TIGD5: variants seen among roughly 807,000 people sequenced by gnomAD.
The protein encoded by TIGD5 is tigger transposable element derived 5.
TIGD5 carries 24 observed loss-of-function variants against 28.8 expected under a neutral mutation model. The observed-to-expected ratio is 0.83, with a 90% CI of 0.60 to 1.17. The LOEUF is 1.17. Among genes scored for constraint, TIGD5 ranks in the 50% most tolerant of loss-of-function variants. The probability of loss-of-function intolerance (pLI) is 0.00; values close to 1 mark genes in which losing one functional copy is unlikely to be tolerated. For missense variants in TIGD5, 922 were observed against 911.4 expected (o/e 1.01, Z -0.15); for synonymous variants, 538 against 430.5 (o/e 1.25, Z -3.09).
chr8:143,599,846 G>GT lies in TIGD5; in HGVS notation c.*15dup. ...GACGGTGTGTGACCAGGCCAGCCCA[G>GT]TGACCTTTCTCCTGCTGCACTTGGA... is the stretch of plus-strand genomic sequence containing the variant. On this transcript the variant is annotated 3_prime_UTR_variant, in exon 1 of 1. Coordinates refer to ENST00000504548, the MANE Select transcript of TIGD5 (RefSeq NM_032862.5). 1 of 1,454,496 alleles carries GT rather than the reference G, an allele frequency of 6.9e-7. No individual in the cohort carries two copies. The highest frequency in any genetic ancestry group is 9.0e-7 in the Non-Finnish European group (1 of 1,113,264). The allele number at this position is 1,454,496 out of a possible 1,614,324, so 90.1% of individuals were successfully genotyped here.
Position 143,601,302 on chromosome 8 carries a change from C to G in TIGD5, c.*1470C>G, listed in dbSNP as rs1227678275. ...AATTTGGGGAAGAAGAAACAGACTCCCTGAGCAGAGCTCAGGGCAGCAGCT... is the reference window on the plus strand; with the variant it reads ...AATTTGGGGAAGAAGAAACAGACTCGCTGAGCAGAGCTCAGGGCAGCAGCT... On this transcript the variant is annotated 3_prime_UTR_variant, in exon 1 of 1. Coordinates refer to ENST00000504548, the MANE Select transcript of TIGD5 (RefSeq NM_032862.5). The G allele has an allele frequency of 6.6e-6, 1 of 152,252 alleles. No homozygotes were observed. The highest frequency in any genetic ancestry group is 1.5e-5 in the Non-Finnish European group (1 of 68,062). The allele number at this position is 152,252 out of a possible 1,614,324, so 9.4% of individuals were successfully genotyped here.
In TIGD5 at chr8:143,599,219, C is replaced by A; in HGVS notation, c.1316C>A (p.Ser439Tyr). 1 of 1,611,544 alleles carries A rather than the reference C, an allele frequency of 6.2e-7. No homozygotes were observed. The highest frequency in any genetic ancestry group is 8.5e-7 in the Non-Finnish European group (1 of 1,179,682). ...YKRELLRLAV[S>Y]CASGSPLDFM... ...CGCGAGCTGCTGCGACTGGCTGTGT[C>A]CTGCGCCAGCGGCTCCCCGCTGGAC... The change falls in exon 1 of 1, where the codon TCC (serine) becomes TAC (tyrosine). Residue 439 changes from serine (S) to tyrosine (Y), a missense_variant. Coordinates refer to ENST00000504548, the MANE Select transcript of TIGD5 (RefSeq NM_032862.5).
chr8:143,599,682 G>A lies in TIGD5; in HGVS notation c.1779G>A (p.Arg593=). The A allele has an allele frequency of 2.0e-6, 3 of 1,518,842 alleles. No individual in the cohort carries two copies. Among genetic ancestry groups the A allele is most frequent in the Non-Finnish European group, 2.6e-6 (3 of 1,138,146 alleles). The allele number at this position is 1,518,842 out of a possible 1,614,324, so 94.1% of individuals were successfully genotyped here. ...TSVPTAGEAV[R]GLETALRWLE... ...TGCCGACTGCCGGGGAGGCCGTGCG[G>A]GGGCTAGAAACAGCTCTGCGGTGGC... is the stretch of plus-strand genomic sequence containing the variant. Residue 593 remains arginine (R), a synonymous_variant, in exon 1 of 1, where the codon CGG becomes CGA. Coordinates refer to ENST00000504548, the MANE Select transcript of TIGD5 (RefSeq NM_032862.5).
rs1172645828 is a variant in TIGD5 at position 143,597,970 on chromosome 8, C to T, written c.67C>T (p.Pro23Ser). The change falls in exon 1 of 1, where the codon CCC becomes TCC. Residue 23 changes from proline (P) to serine (S), a missense_variant. Physicochemically the swap from Pro to Ser is moderately conservative, Grantham distance 74 (BLOSUM62 -1). Transcript: ENST00000504548. ...CGGCCGCCGTCCCCTGCCCGGGCCC[C>T]CCGCGCCCGCCCCAGCCCCCGTCCC... ...RRGRRPLPGP[P>S]APAPAPVPAA... is the part of the protein sequence containing the mutation. 2.2e-6 allele frequency: 2 copies of T among 924,808 alleles called. No homozygotes were observed. Among genetic ancestry groups the T allele is most frequent in the Non-Finnish European group, 2.6e-6 (2 of 773,176 alleles). The allele number at this position is 924,808 out of a possible 1,614,324, so 57.3% of individuals were successfully genotyped here.
In TIGD5 at chr8:143,601,801, TAAGATAA is replaced by T; in HGVS notation, c.*1974_*1980del. ...AACAAGGCAGCACTAATTTTTGCTATAAGATAAAAGAGGCCAGGCACGTTGGCTCACA... is the reference window on the plus strand; with the variant it reads ...AACAAGGCAGCACTAATTTTTGCTATAAGAGGCCAGGCACGTTGGCTCACA... On this transcript the variant is annotated 3_prime_UTR_variant, in exon 1 of 1. Transcript: ENST00000504548. 1 of 152,250 alleles carries T rather than the reference TAAGATAA, an allele frequency of 6.6e-6. No individual in the cohort carries two copies. Among genetic ancestry groups the T allele is most frequent in the East Asian group, 1.9e-4 (1 of 5,176 alleles). The allele number at this position is 152,250 out of a possible 1,614,324, so 9.4% of individuals were successfully genotyped here. A position where few individuals can be genotyped will look rare whatever the true frequency, so the allele number is the denominator to read the frequency against.
chr8:143,598,918 G>C lies in TIGD5; in HGVS notation c.1015G>C (p.Gly339Arg), dbSNP rs1453766859. 6.3e-7 allele frequency: 1 copy of C among 1,595,472 alleles called. No individual in the cohort carries two copies. Among genetic ancestry groups the C allele is most frequent in the South Asian group, 1.1e-5 (1 of 90,264 alleles). The change falls in exon 1 of 1, where the codon GGC becomes CGC. Residue 339 changes from glycine (G) to arginine (R), a missense_variant. Around this residue, in one of 3 missense-constraint regions of TIGD5, gnomAD observed 821 missense variants for 815.2 expected, o/e 1.01. Coordinates refer to ENST00000504548, the MANE Select transcript of TIGD5 (RefSeq NM_032862.5). The surrounding 1 kb of genome is among the most constrained non-coding windows in gnomAD (Gnocchi z 6.6). ...CTGGTTCTTTGAGGAATTTGTCCCA[G>C]GCGTCAAACGCTACCTGCGCCGAAG... ...RGWFFEEFVPGVKRYLRRSCL... is the reference protein window; with the variant it reads ...RGWFFEEFVPRVKRYLRRSCL...
rs1564007285 is a variant in TIGD5 at position 143,599,082 on chromosome 8, G to A, written c.1179G>A (p.Gln393=). The A allele has an allele frequency of 1.3e-6, 2 of 1,576,980 alleles. No homozygotes were observed. The highest frequency in any genetic ancestry group is 2.7e-5 in the African/African-American group (2 of 74,320). The change falls in exon 1 of 1, where the codon CAG becomes CAA. Residue 393 remains glutamine (Q), a synonymous_variant. Transcript: ENST00000504548. ...CCCTCGGTCCCCCGGAGGAGCTGCA[G>A]ACACCGGATGGCGCTGTGCGGGTGC... The part of the protein sequence containing the change: ...PEPLGPPEEL[Q]TPDGAVRVLF...
rs1214200491 is a variant in TIGD5 at position 143,599,524 on chromosome 8, C to G, written c.1621C>G (p.Pro541Ala). The part of the protein sequence containing the change: ...EWLHLDDDGG[P>A]PEGCREEVGP... ...GCTGCACCTGGACGATGATGGGGGT[C>G]CGCCCGAGGGCTGCAGGGAGGAGGT... Residue 541 changes from proline (P) to alanine (A), a missense_variant, in exon 1 of 1, where the codon CCG (proline) becomes GCG (alanine). Physicochemically the swap from Pro to Ala is conservative, Grantham distance 27 (BLOSUM62 -1). Around this residue, in one of 3 missense-constraint regions of TIGD5, gnomAD observed 821 missense variants for 815.2 expected, o/e 1.01. Coordinates refer to ENST00000504548, the MANE Select transcript of TIGD5 (RefSeq NM_032862.5). 8.2e-6 allele frequency: 13 copies of G among 1,584,160 alleles called. No homozygotes were observed. Among genetic ancestry groups the G allele is most frequent in the Middle Eastern group, 3.3e-4 (2 of 6,014 alleles).
rs1829141789 is a variant in TIGD5, at chr8:143,598,349, C to T, written c.446C>T (p.Ala149Val). Reference protein sequence around the residue: ...GVPLSGPLIQAQAEAFARQIY... With the variant: ...GVPLSGPLIQVQAEAFARQIY... Reference sequence around the variant, plus strand: ...CCGCTGTCTGGCCCGCTCATCCAGGCGCAGGCCGAGGCCTTCGCGCGCCAG... The same window carrying T: ...CCGCTGTCTGGCCCGCTCATCCAGGTGCAGGCCGAGGCCTTCGCGCGCCAG... The change falls in exon 1 of 1, where the codon GCG (alanine) becomes GTG (valine). Residue 149 changes from alanine to valine, a missense_variant. Ala to Val is a moderately conservative substitution (Grantham distance 64, BLOSUM62 0). Coordinates refer to ENST00000504548, the MANE Select transcript of TIGD5 (RefSeq NM_032862.5). This position sits in a 1 kb window ranked among gnomAD's most constrained non-coding sequence, Gnocchi z 6.6. 2 of 1,599,404 alleles carry T rather than the reference C, an allele frequency of 1.3e-6. No homozygotes were observed. Among genetic ancestry groups the T allele is most frequent in the South Asian group, 1.1e-5 (1 of 89,644 alleles).
Position 143,600,593 on chromosome 8 carries a change from C to A in TIGD5, c.*761C>A, listed in dbSNP as rs965391640. On this transcript the variant is annotated 3_prime_UTR_variant, in exon 1 of 1. Coordinates refer to ENST00000504548, the MANE Select transcript of TIGD5 (RefSeq NM_032862.5). The stretch of plus-strand genomic sequence containing the variant: ...ACTTGGCCAACGGCAGGAGAGTTTC[C>A]CCTGCTTCCTCATCAGCCACAGACC... 6.6e-6 allele frequency: 1 copy of A among 152,208 alleles called. No homozygotes were observed. The highest frequency in any genetic ancestry group is 1.5e-5 in the Non-Finnish European group (1 of 68,040). 9.4% of individuals were successfully genotyped at this position (152,208 alleles called of 1,614,324 possible).
rs1379363655 is a variant in TIGD5, at chr8:143,599,367, G to C, written c.1464G>C (p.Arg488=). Reference sequence around the variant, plus strand: ...GCCTGCGGGCTGCCTTCGAGCCCCGGCCCGGCGAGGACAGTGCTGGGCAGC... The same window carrying C: ...GCCTGCGGGCTGCCTTCGAGCCCCGCCCCGGCGAGGACAGTGCTGGGCAGC... ...LLGLRAAFEP[R]PGEDSAGQPA... is the part of the protein sequence containing the mutation. The change falls in exon 1 of 1, where the codon CGG becomes CGC. Residue 488 remains arginine (R), a synonymous_variant. Coordinates refer to ENST00000504548, the MANE Select transcript of TIGD5 (RefSeq NM_032862.5). 2 of 1,573,750 alleles carry C rather than the reference G, an allele frequency of 1.3e-6. No homozygotes were observed. Among genetic ancestry groups the C allele is most frequent in the Non-Finnish European group, 1.7e-6 (2 of 1,161,006 alleles).
rs1428044745 is a variant in TIGD5, at chr8:143,598,292, C to G, written c.389C>G (p.Ala130Gly). 1.2e-6 allele frequency: 2 copies of G among 1,609,628 alleles called. No homozygotes were observed. Among genetic ancestry groups the G allele is most frequent in the East Asian group, 2.2e-5 (1 of 44,562 alleles). ...GAGGAGATCGACCGCGCCGTGTACG[C>G]CTGGTTCCTGGCGCTGCGCCAGCAC... Reference protein sequence around the residue: ...NEEEIDRAVYAWFLALRQHGV... With the variant: ...NEEEIDRAVYGWFLALRQHGV... The change falls in exon 1 of 1, where the codon GCC becomes GGC. Residue 130 changes from alanine to glycine, a missense_variant. This residue lies in a region of TIGD5 where 821 missense variants were observed against 815.2 expected (regional missense o/e 1.01). Coordinates refer to ENST00000504548, the MANE Select transcript of TIGD5 (RefSeq NM_032862.5). This position sits in a 1 kb window ranked among gnomAD's most constrained non-coding sequence, Gnocchi z 6.6.
In TIGD5 at chr8:143,602,279, G is replaced by A. The variant is rs1829279422; in HGVS notation, c.*2447G>A. 6.6e-6 allele frequency: 1 copy of A among 152,218 alleles called. No homozygotes were observed. The highest frequency in any genetic ancestry group is 2.4e-5 in the African/African-American group (1 of 41,438). 9.4% of individuals were successfully genotyped at this position (152,218 alleles called of 1,614,324 possible). On this transcript the variant is annotated 3_prime_UTR_variant, in exon 1 of 1. Coordinates refer to ENST00000504548, the MANE Select transcript of TIGD5 (RefSeq NM_032862.5). ...CTGTGTGACAGAGGCTTGGCCGCTGGGCCCCGCTGCTGAGAAGGCTGCTCT... is the reference window on the plus strand; with the variant it reads ...CTGTGTGACAGAGGCTTGGCCGCTGAGCCCCGCTGCTGAGAAGGCTGCTCT...
At position 143,603,131 on chromosome 8, in the gene TIGD5, C is replaced by T. The variant is rs1829296358; in HGVS notation, c.*3299C>T. On this transcript the variant is annotated 3_prime_UTR_variant, in exon 1 of 1. Coordinates refer to ENST00000504548, the MANE Select transcript of TIGD5 (RefSeq NM_032862.5). ...TCATGCTCTGTTGAGGGCCCTTCCT[C>T]TAACTGGCGAGCTTGTTTACAGCTG... 6.6e-6 allele frequency: 1 copy of T among 152,240 alleles called. No homozygotes were observed. The highest frequency in any genetic ancestry group is 1.5e-5 in the Non-Finnish European group (1 of 68,052). The allele number at this position is 152,240 out of a possible 1,614,324, so 9.4% of individuals were successfully genotyped here. A position where few individuals can be genotyped will look rare whatever the true frequency, so the allele number is the denominator to read the frequency against.
In TIGD5 at chr8:143,598,927, C is replaced by T. The variant is rs754888453; in HGVS notation, c.1024C>T (p.Arg342Cys). ...TGAGGAATTTGTCCCAGGCGTCAAA[C>T]GCTACCTGCGCCGAAGCTGCCTGCA... ...FFEEFVPGVKRYLRRSCLQQK... is the reference protein window; with the variant it reads ...FFEEFVPGVKCYLRRSCLQQK... Residue 342 changes from arginine to cysteine, a missense_variant, in exon 1 of 1, where the codon CGC (arginine) becomes TGC (cysteine). Physicochemically the swap from Arg to Cys is radical, Grantham distance 180 (BLOSUM62 -3). Around this residue, in one of 3 missense-constraint regions of TIGD5, gnomAD observed 821 missense variants for 815.2 expected, o/e 1.01. Transcript: ENST00000504548. This position sits in a 1 kb window ranked among gnomAD's most constrained non-coding sequence, Gnocchi z 6.6. 1.9e-6 allele frequency: 3 copies of T among 1,592,656 alleles called. No individual in the cohort carries two copies. Among genetic ancestry groups the T allele is most frequent in the Admixed American group, 3.4e-5 (2 of 59,326 alleles).
rs1829260109 is a variant in TIGD5, at chr8:143,601,381, T to C, written c.*1549T>C. 1 of 152,248 alleles carries C rather than the reference T, an allele frequency of 6.6e-6. No homozygotes were observed. Among genetic ancestry groups the C allele is most frequent in the African/African-American group, 2.4e-5 (1 of 41,472 alleles). The allele number at this position is 152,248 out of a possible 1,614,324, so 9.4% of individuals were successfully genotyped here. ...CACCGCCACCTGCAGGAAGAGCCTC[T>C]GGCCTGAACTGCTGGGGATGGGCTG... is the stretch of plus-strand genomic sequence containing the variant. On this transcript the variant is annotated 3_prime_UTR_variant, in exon 1 of 1. Transcript: ENST00000504548.
Position 143,599,668 on chromosome 8 carries a change from G to C in TIGD5, c.1765G>C (p.Gly589Arg), listed in dbSNP as rs1190773143. 1 of 1,518,974 alleles carries C rather than the reference G, an allele frequency of 6.6e-7. No individual in the cohort carries two copies. Among genetic ancestry groups the C allele is most frequent in the Non-Finnish European group, 8.8e-7 (1 of 1,137,218 alleles). 94.1% of individuals were successfully genotyped at this position (1,518,974 alleles called of 1,614,324 possible). Reference sequence around the variant, plus strand: ...TGGAGGGACCTCAGTGCCGACTGCCGGGGAGGCCGTGCGGGGGCTAGAAAC... The same window carrying C: ...TGGAGGGACCTCAGTGCCGACTGCCCGGGAGGCCGTGCGGGGGCTAGAAAC... ...DYGGTSVPTA[G>R]EAVRGLETAL... is the part of the protein sequence containing the mutation. Residue 589 changes from glycine (G) to arginine (R), a missense_variant, in exon 1 of 1, where the codon GGG becomes CGG. By Grantham distance (125) the Gly-to-Arg change is moderately radical (BLOSUM62 -2). Around this residue, in one of 3 missense-constraint regions of TIGD5, gnomAD observed 821 missense variants for 815.2 expected, o/e 1.01. Transcript: ENST00000504548.
At position 143,603,140 on chromosome 8, in the gene TIGD5, G is replaced by C. The variant is rs1053628144; in HGVS notation, c.*3308G>C. On this transcript the variant is annotated 3_prime_UTR_variant, in exon 1 of 1. Coordinates refer to ENST00000504548, the MANE Select transcript of TIGD5 (RefSeq NM_032862.5). ...GTTGAGGGCCCTTCCTCTAACTGGC[G>C]AGCTTGTTTACAGCTGAGCTCGCCT... 5 of 152,200 alleles carry C rather than the reference G, an allele frequency of 3.3e-5. No individual in the cohort carries two copies. The highest frequency in any genetic ancestry group is 1.2e-4 in the African/African-American group (5 of 41,454). 9.4% of individuals were successfully genotyped at this position (152,200 alleles called of 1,614,324 possible).
chr8:143,601,411 A>G lies in TIGD5; in HGVS notation c.*1579A>G, dbSNP rs994414941. On this transcript the variant is annotated 3_prime_UTR_variant, in exon 1 of 1. Coordinates refer to ENST00000504548, the MANE Select transcript of TIGD5 (RefSeq NM_032862.5). ...TGAACTGCTGGGGATGGGCTGCAGA[A>G]AGCCTGAGACATTTGGGCCAGCACC... 1 of 152,210 alleles carries G rather than the reference A, an allele frequency of 6.6e-6. No individual in the cohort carries two copies. Among genetic ancestry groups the G allele is most frequent in the African/African-American group, 2.4e-5 (1 of 41,452 alleles). 9.4% of individuals were successfully genotyped at this position (152,210 alleles called of 1,614,324 possible). A position where few individuals can be genotyped will look rare whatever the true frequency, so the allele number is the denominator to read the frequency against.
Sources: gnomAD v4.1 joint callset for allele counts on GRCh38, gnomAD v4.1.1 for gene constraint, gnomAD v4.1.1 regional missense constraint, Gnocchi (gnomAD v3.1) non-coding constraint, MANE v1.5 for transcripts, NCBI Gene and HGNC (gene_info 2026-07-23, HGNC 2026-07-21) for gene names.